VMP1: variants seen among roughly 807,000 people sequenced by gnomAD.
VMP1 encodes vacuole membrane protein 1.
VMP1 carries 11 observed loss-of-function variants against 56.0 expected under a neutral mutation model. That is an observed-to-expected ratio of 0.20 (90% CI 0.12 to 0.32). VMP1 has a LOEUF of 0.32. VMP1 is among the 10% of genes least tolerant of loss of function. The pLI is 1.00. For missense variants in VMP1, 296 were observed against 490.3 expected, an observed-to-expected ratio of 0.60 and a Z score of 3.74; for synonymous variants, 149 against 165.0, an observed-to-expected ratio of 0.90 and a Z score of 0.74.
At chr17:59,815,453 G>A (rs1471249638) in intron 9 of VMP1, among the ~76,000 whole-genome samples, 1 of 140,372 alleles carries the variant, frequency 7.1e-6, no homozygotes, top group Non-Finnish European at 1.5e-5. Flanking sequence ...TAAACTCCCA[G>A]GAGGGCAGAG....
At chr17:59,833,862 T>G (rs1024353202) in intron 10 of VMP1, 3 of 152,230 alleles carry the variant, frequency 2.0e-5, no homozygotes, top group Non-Finnish European at 4.4e-5. Flanking sequence ...AACATACTCT[T>G]TGTAACATTT....
chr17:59,778,691 A>G (rs757962702), intron 7 of VMP1, among the ~76,000 whole-genome samples: 3 of 152,174 alleles, frequency 2.0e-5, no homozygotes, highest in Admixed American at 6.5e-5. Flanking sequence ...ATCAGTGTCT[A>G]TTGATCTTTT....
At chr17:59,817,329 A>C (rs1285860963) in intron 9 of VMP1, among the ~76,000 whole-genome samples, 1 of 143,960 alleles carries the variant, frequency 6.9e-6, no homozygotes, top group Non-Finnish European at 1.5e-5. Flanking sequence ...ATAACATTTG[A>C]ATTAAATGTT....
At chr17:59,815,995 C>T (rs534983282) in intron 9 of VMP1, among the ~76,000 whole-genome samples, 3 of 151,104 alleles carry the variant, frequency 2.0e-5, no homozygotes, top group Non-Finnish European at 4.4e-5. Context: ...TCCTTTGTTT[C>T]TTCTATGCAT....
At chr17:59,745,647 CT>C (rs913854870) in intron 5 of VMP1, among the ~76,000 whole-genome samples, 15 of 152,134 alleles carry the variant, frequency 9.9e-5, no homozygotes, top group African/African-American at 2.9e-4. Flanking sequence ...ATTACACTTA[CT>C]TTCATTTTCC....
chr17:59,825,155 C>T (rs894748921), intron 10 of VMP1, among the ~76,000 whole-genome samples: 8 of 141,512 alleles, frequency 5.7e-5, no homozygotes, highest in Non-Finnish European at 1.1e-4. Context: ...GGTGCAATCT[C>T]GACCCACTGC....
intron 5 of VMP1, among the ~76,000 whole-genome samples, chr17:59,761,280 A>G (rs1010190600): frequency 6.6e-6 from 1 of 151,990 alleles, no homozygotes; most frequent in Admixed American, 6.6e-5. Context: ...CTTTTCATCA[A>G]ATCTGGGTCT....
At chr17:59,750,141 T>G (rs917883236) in intron 5 of VMP1, among the ~76,000 whole-genome samples, 1 of 152,168 alleles carries the variant, frequency 6.6e-6, no homozygotes, top group Non-Finnish European at 1.5e-5. Context: ...AATCTATATA[T>G]AGCTTTTTCT....
chr17:59,788,873 C>T (rs1257951522), intron 7 of VMP1, among the ~76,000 whole-genome samples: 1 of 150,656 alleles, frequency 6.6e-6, no homozygotes, highest in Non-Finnish European at 1.5e-5. Context: ...CACTTCCACA[C>T]CTGTTTGCAG....
At chr17:59,758,829 T>A (rs905130350) in intron 5 of VMP1, among the ~76,000 whole-genome samples, 4 of 151,960 alleles carry the variant, frequency 2.6e-5, no homozygotes, top group African/African-American at 7.3e-5. Flanking sequence ...GCACTCTGGC[T>A]TACACCTGTA....
At chr17:59,817,822 G>T in intron 10 of VMP1, 49 bp downstream of exon 10, 1 of 1,400,948 alleles carries the variant, frequency 7.1e-7, no homozygotes, top group South Asian at 1.3e-5. Flanking sequence ...TCTTTAAATG[G>T]GAGTAAATGT....
At chr17:59,789,533 A>T (rs1352217814) in intron 7 of VMP1, among the ~76,000 whole-genome samples, 3 of 152,042 alleles carry the variant, frequency 2.0e-5, no homozygotes, top group African/African-American at 7.2e-5. Context: ...AGTCTCAAAA[A>T]AAAAAAGGCC....
intron 1 of VMP1, chr17:59,708,217 C>A (rs2033761060): frequency 6.6e-6 from 1 of 152,256 alleles, no homozygotes; most frequent in Non-Finnish European, 1.5e-5. Flanking sequence ...CAAGTGCCAT[C>A]TAAAGCTCTG....
At chr17:59,783,070 C>T (rs2036883813) in intron 7 of VMP1, among the ~76,000 whole-genome samples, 1 of 152,090 alleles carries the variant, frequency 6.6e-6, no homozygotes, top group Admixed American at 6.5e-5. Flanking sequence ...GTGGCGGGCG[C>T]CTCTAGTCCC....
chr17:59,750,144 C>T (rs1393754538), intron 5 of VMP1, among the ~76,000 whole-genome samples: 1 of 151,980 alleles, frequency 6.6e-6, no homozygotes, highest in Admixed American at 6.6e-5. Context: ...CTATATATAG[C>T]TTTTTCTTAA....
rs948041133 is a variant in VMP1, at chr17:59,757,291, A to G, written c.415-7680A>G. On this transcript the variant is annotated intron_variant, in intron 5 of 11. Coordinates refer to ENST00000262291, the MANE Select transcript of VMP1 (RefSeq NM_030938.5). The stretch of plus-strand genomic sequence containing the variant: ...TAGATAGATAGATAGATAGATAGAT[A>G]GATGTGGTTTTGTATAATTTTACCC... 6.3e-5 allele frequency among the ~76,000 whole-genome samples: 9 copies of G among 143,230 alleles called. No homozygotes were observed. The East Asian group carries it at 1.8e-3, about 29-fold the overall frequency. 94.0% of individuals were successfully genotyped at this position (143,230 alleles called of 152,430 possible).
intron 9 of VMP1, among the ~76,000 whole-genome samples, chr17:59,814,512 G>A (rs1415695265): frequency 1.3e-5 from 2 of 152,122 alleles, no homozygotes; most frequent in Non-Finnish European, 2.9e-5. Context: ...TAACTTTAAT[G>A]TATTGATATG....
intron 7 of VMP1, among the ~76,000 whole-genome samples, chr17:59,783,314 A>G (rs1262138229): frequency 6.6e-6 from 1 of 152,200 alleles, no homozygotes; most frequent in Non-Finnish European, 1.5e-5. Context: ...TGATTAAAGC[A>G]TTTATTTGTA....
At position 59,766,536 on chromosome 17, in the gene VMP1, A is replaced by G. The variant is rs74201555; in HGVS notation, c.582+1398A>G. On this transcript the variant is annotated intron_variant, in intron 6 of 11. Transcript: ENST00000262291. ...CAAGAAAATATTATGTTCTTAGAGA[A>G]CTCATTTCATTTTCTGAGTTATTAT... 2.6e-4 allele frequency among the ~76,000 whole-genome samples: 39 copies of G among 152,176 alleles called. 1 individual carries two copies. The East Asian group carries it at 6.0e-3, about 23-fold the overall frequency.
Sources: gnomAD v4.1 joint callset for allele counts (sites outside exome capture counted in the v4.1 genomes callset) on GRCh38, gnomAD v4.1.1 for gene constraint, MANE v1.5 for transcripts, NCBI Gene and HGNC (gene_info 2026-07-23, HGNC 2026-07-21) for gene names.